Variants in ACYP2 observed in about 807,000 individuals in gnomAD.
ACYP2 encodes acylphosphatase 2.
Under a neutral mutation model 11.2 loss-of-function variants are expected in ACYP2, and 12 were observed. That is an observed-to-expected ratio of 1.08 (90% CI 0.69 to 1.74). ACYP2 has a LOEUF of 1.74. Among genes scored for constraint, ACYP2 ranks in the 40% most tolerant of loss-of-function variants. The pLI, the probability that ACYP2 is intolerant of heterozygous loss-of-function variation, is 0.00. For missense variants in ACYP2, 134 were observed against 101.9 expected, an observed-to-expected ratio of 1.31 and a Z score of -1.35; for synonymous variants, 43 against 32.2, an observed-to-expected ratio of 1.33 and a Z score of -1.13.
chr2:54,033,226 C>G (rs1443275229), intron 2 of ACYP2, among the ~76,000 whole-genome samples: 1 of 146,810 alleles, frequency 6.8e-6, no homozygotes, highest in African/African-American at 2.5e-5. Context: ...GAGACAGGGT[C>G]TTGCGTTGTT....
intron 4 of ACYP2, chr2:54,066,139 TG>T (rs1377962898): frequency 2.0e-5 from 3 of 152,230 alleles, no homozygotes; most frequent in Admixed American, 6.5e-5. Flanking sequence ...CATCTGGAAT[TG>T]TAATCCCCAT....
At chr2:54,068,145 A>AT (rs1449128253) in intron 4 of ACYP2, among the ~76,000 whole-genome samples, 1 of 151,870 alleles carries the variant, frequency 6.6e-6, no homozygotes, top group East Asian at 1.9e-4. Flanking sequence ...TGCTCTTGGG[A>AT]TTTTCTCTGT....
At chr2:54,026,540 C>T (rs1018157576) in intron 2 of ACYP2, among the ~76,000 whole-genome samples, 3 of 144,156 alleles carry the variant, frequency 2.1e-5, no homozygotes, top group Admixed American at 6.9e-5. Context: ...CCATTTGATC[C>T]AGCAATCCCA....
chr2:54,035,265 C>CTTTT (rs895749612), intron 2 of ACYP2, among the ~76,000 whole-genome samples: 4 of 126,028 alleles, frequency 3.2e-5, no homozygotes, highest in African/African-American at 6.0e-5. Context: ...TTTTCTTTTT[C>CTTTT]TTTTTTTTTT....
chr2:53,980,325 C>T (rs936822775), intron 2 of ACYP2, among the ~76,000 whole-genome samples: 1 of 151,058 alleles, frequency 6.6e-6, no homozygotes, highest in African/African-American at 2.5e-5. Flanking sequence ...TGTGTTCCAG[C>T]CTGGGAGATA....
intron 6 of ACYP2, among the ~76,000 whole-genome samples, chr2:54,141,207 T>A (rs1681580495): frequency 6.6e-6 from 1 of 152,230 alleles, no homozygotes; most frequent in African/African-American, 2.4e-5. Flanking sequence ...ACCCATTATC[T>A]GTTATTGCTT....
At chr2:54,215,816 A>G (rs1685536713) in intron 6 of ACYP2, among the ~76,000 whole-genome samples, 1 of 152,192 alleles carries the variant, frequency 6.6e-6, no homozygotes, top group Non-Finnish European at 1.5e-5. Flanking sequence ...AAATAAATAA[A>G]TGTATTTAAT....
intron 2 of ACYP2, among the ~76,000 whole-genome samples, chr2:54,028,082 A>G (rs1674392650): frequency 6.6e-6 from 1 of 151,852 alleles, no homozygotes; most frequent in South Asian, 2.1e-4. Context: ...AGCTCAGGTG[A>G]TCTGCGTACC....
intron 6 of ACYP2, among the ~76,000 whole-genome samples, chr2:54,143,578 C>G (rs758875829): frequency 2.1e-4 from 32 of 151,966 alleles, no homozygotes; most frequent in Non-Finnish European, 4.3e-4. Flanking sequence ...GGATTACAGG[C>G]ATATGCCACC....
intron 6 of ACYP2, among the ~76,000 whole-genome samples, chr2:54,229,852 T>C (rs1030232315): frequency 7.9e-5 from 12 of 152,202 alleles, no homozygotes; most frequent in African/African-American, 2.9e-4. Flanking sequence ...ATAGTGTTGT[T>C]TCCATCAAAA....
chr2:54,007,533 G>A (rs1280055277), intron 2 of ACYP2, among the ~76,000 whole-genome samples: 2 of 152,106 alleles, frequency 1.3e-5, no homozygotes, highest in Non-Finnish European at 2.9e-5. Context: ...GATTACAGGC[G>A]TGAGCCACCG....
At chr2:54,173,526 T>A (rs1683306414) in intron 6 of ACYP2, among the ~76,000 whole-genome samples, 1 of 151,952 alleles carries the variant, frequency 6.6e-6, no homozygotes, top group Non-Finnish European at 1.5e-5. Flanking sequence ...TCTTTTGATG[T>A]GCAGCTCTTT....
intron 4 of ACYP2, among the ~76,000 whole-genome samples, chr2:54,122,134 C>G (rs1378312261): frequency 6.6e-6 from 1 of 152,204 alleles, no homozygotes; most frequent in East Asian, 1.9e-4. Context: ...GCATATAGAT[C>G]ACTTCCTGCA....
At chr2:54,042,779 T>G (rs1167458646) in intron 2 of ACYP2, among the ~76,000 whole-genome samples, 1 of 152,186 alleles carries the variant, frequency 6.6e-6, no homozygotes, top group Admixed American at 6.5e-5. Flanking sequence ...CCATCTGTCC[T>G]TGGCCAGGGA....
intron 6 of ACYP2, among the ~76,000 whole-genome samples, chr2:54,299,946 C>G (rs561503530): frequency 4.6e-5 from 7 of 152,320 alleles, no homozygotes; most frequent in Non-Finnish European, 8.8e-5. Flanking sequence ...CATTTGTCAA[C>G]TCCTTTAGTG....
intron 4 of ACYP2, 108 bp from the exon 1 acceptor site, chr2:54,115,507 C>A: frequency 7.0e-7 from 1 of 1,437,328 alleles, no homozygotes; most frequent in Non-Finnish European, 9.2e-7. Context: ...GCGTCCCCGG[C>A]TGCCCTCGCT....
chr2:54,248,241 A>G (rs1252055384), intron 6 of ACYP2, among the ~76,000 whole-genome samples: 1 of 152,212 alleles, frequency 6.6e-6, no homozygotes. Context: ...ATGTCCATTA[A>G]CACTTATCTA....
At chr2:54,207,499 A>G (rs1685131381) in intron 6 of ACYP2, among the ~76,000 whole-genome samples, 1 of 152,218 alleles carries the variant, frequency 6.6e-6, no homozygotes, top group African/African-American at 2.4e-5. Flanking sequence ...AATCATATCT[A>G]CAAAATACTT....
intron 6 of ACYP2, among the ~76,000 whole-genome samples, chr2:54,154,972 G>A (rs1413519328): frequency 6.6e-6 from 1 of 152,086 alleles, no homozygotes; most frequent in Non-Finnish European, 1.5e-5. Flanking sequence ...TTATTGGTCT[G>A]TTCAGATTTT....
Sources: gnomAD v4.1 joint callset for allele counts (sites outside exome capture counted in the v4.1 genomes callset) on GRCh38, gnomAD v4.1.1 for gene constraint, MANE v1.5 for transcripts, NCBI Gene and HGNC (gene_info 2026-07-23, HGNC 2026-07-21) for gene names.